BEGAIN: variants seen among roughly 807,000 people sequenced by gnomAD.
BEGAIN encodes brain-enriched guanylate kinase-associated protein.
Under a neutral mutation model 35.8 loss-of-function variants are expected in BEGAIN, and 19 were observed. The observed-to-expected ratio is 0.53, with a 90% CI of 0.37 to 0.78. The LOEUF (loss-of-function observed/expected upper bound fraction) is 0.78, where lower values mean the gene tolerates loss of function less well. Ranked by LOEUF, BEGAIN falls within the 30% of genes least tolerant of loss-of-function variation. The pLI is 0.00. For synonymous variants in BEGAIN, 462 were observed against 388.6 expected, an observed-to-expected ratio of 1.19 and a Z score of -2.22; for missense variants, 795 against 853.6, an observed-to-expected ratio of 0.93 and a Z score of 0.85.
intron 2 of BEGAIN, among the ~76,000 whole-genome samples, chr14:100,564,363 C>T (rs557801103): frequency 1.7e-4 from 26 of 151,892 alleles, no homozygotes; most frequent in Non-Finnish European, 3.1e-4. Context: ...CCATGAGAGG[C>T]GACTGACCCA....
chr14:100,576,485 G>A (rs1311412940), intron 1 of BEGAIN, among the ~76,000 whole-genome samples: 1 of 152,166 alleles, frequency 6.6e-6, no homozygotes, highest in Non-Finnish European at 1.5e-5. Context: ...GTGCTCACCC[G>A]GAATTCATCC....
chr14:100,570,722 C>T (rs188381922), intron 1 of BEGAIN, among the ~76,000 whole-genome samples: 9 of 152,354 alleles, frequency 5.9e-5, no homozygotes, highest in Admixed American at 3.3e-4. Context: ...CGAGGTGCTA[C>T]GCCCTCGGGG....
intron 2 of BEGAIN, 148 bp from the exon 3 acceptor site, chr14:100,546,810 A>ACT (rs1566965089): frequency 9.9e-5 from 56 of 568,412 alleles, no homozygotes; most frequent in African/African-American, 6.9e-4. Flanking sequence ...ACACACACAC[A>ACT]CACTCACACA....
intron 2 of BEGAIN, 102 bp from the exon 3 acceptor site, chr14:100,546,764 G>A (rs2032529093): frequency 8.6e-6 from 4 of 464,710 alleles, no homozygotes; most frequent in Middle Eastern, 6.1e-4. Flanking sequence ...GCGAGTACCG[G>A]CGCGCGCGCG....
Position 100,564,915 on chromosome 14 carries a change from C to T in BEGAIN, c.71+2996G>A, listed in dbSNP as rs115451099. The stretch of plus-strand genomic sequence containing the variant: ...CATCTGCTCTGGGCAGCCCCCAGGC[C>T]TTTGCACCTCTTGGAGGGTGGCCTG... On this transcript the variant is annotated intron_variant, in intron 2 of 6. Transcript: ENST00000554140. Among the ~76,000 whole-genome samples, 947 of 152,312 alleles carry T rather than the reference C, an allele frequency of 6.2e-3. 11 individuals are homozygous for T. Among genetic ancestry groups the T allele is most frequent in the African/African-American group, 0.022 (918 of 41,560 alleles).
chr14:100,577,406 C>T, intron 1 of BEGAIN: 5 of 399,324 alleles, frequency 1.3e-5, no homozygotes, highest in Non-Finnish European at 8.8e-6. Context: ...CCTGGCCCCA[C>T]TCTGCTTGCA....
At chr14:100,561,559 G>C (rs1257182667) in intron 2 of BEGAIN, among the ~76,000 whole-genome samples, 2 of 152,070 alleles carry the variant, frequency 1.3e-5, no homozygotes, top group Non-Finnish European at 2.9e-5. Flanking sequence ...GACCAGCCTG[G>C]GCGACATGGT....
intron 2 of BEGAIN, among the ~76,000 whole-genome samples, chr14:100,561,733 G>A (rs982382615): frequency 2.0e-5 from 3 of 151,320 alleles, no homozygotes; most frequent in African/African-American, 7.3e-5. Flanking sequence ...AAAAAAATTT[G>A]CTGAAGGCCA....
At chr14:100,562,811 C>T (rs925182810) in intron 2 of BEGAIN, among the ~76,000 whole-genome samples, 1 of 152,184 alleles carries the variant, frequency 6.6e-6, no homozygotes, top group Non-Finnish European at 1.5e-5. Context: ...TTTTTGTCCC[C>T]GCAGCACTTG....
chr14:100,540,689 G>A, intron 5 of BEGAIN, 110 bp from the exon 6 acceptor site: 1 of 758,420 alleles, frequency 1.3e-6, no homozygotes, highest in Non-Finnish European at 2.2e-6. Context: ...GGCCTGCTGT[G>A]CGCTCAGCAG....
intron 1 of BEGAIN, chr14:100,577,937 T>C: frequency 2.5e-6 from 1 of 399,188 alleles, no homozygotes; most frequent in Admixed American, 4.4e-5. Flanking sequence ...GCCTGGGAGC[T>C]GGCCCCTGAG....
At chr14:100,580,996 C>T (rs1399672573) in intron 1 of BEGAIN, among the ~76,000 whole-genome samples, 1 of 152,166 alleles carries the variant, frequency 6.6e-6, no homozygotes, top group Non-Finnish European at 1.5e-5. Flanking sequence ...CCCGGACAGC[C>T]CTTCCCCAGC....
At position 100,567,873 on chromosome 14, in the gene BEGAIN, G is replaced by GC; in HGVS notation, c.71+37dup. On this transcript the variant is annotated intron_variant, in intron 2 of 6. Coordinates refer to ENST00000554140, the MANE Select transcript of BEGAIN (RefSeq NM_001385089.1). This position sits in a 1 kb window ranked among gnomAD's most constrained non-coding sequence, Gnocchi z 5.1. ...CCCCAGCGCCCTCACCCCCGACCCG[G>GC]CCCCCGCGAGCCGCGGCACGGGAGA... The GC allele has an allele frequency of 6.8e-7, 1 of 1,460,180 alleles. No individual in the cohort carries two copies. The highest frequency in any genetic ancestry group is 9.1e-7 in the Non-Finnish European group (1 of 1,096,700). The allele number at this position is 1,460,180 out of a possible 1,614,324, so 90.5% of individuals were successfully genotyped here.
chr14:100,541,845 G>A (rs547690068), intron 5 of BEGAIN, among the ~76,000 whole-genome samples: 51 of 152,348 alleles, frequency 3.3e-4, no homozygotes, highest in African/African-American at 1.2e-3. Context: ...GCAGCTGCTG[G>A]CTCGGGGAGG....
chr14:100,553,331 G>A (rs2033387709), intron 2 of BEGAIN, among the ~76,000 whole-genome samples: 2 of 152,138 alleles, frequency 1.3e-5, no homozygotes, highest in Admixed American at 1.3e-4. Context: ...AAAGCCTGTG[G>A]CCACCTGTGG....
At chr14:100,559,646 G>C (rs2034063439) in intron 2 of BEGAIN, among the ~76,000 whole-genome samples, 1 of 152,232 alleles carries the variant, frequency 6.6e-6, no homozygotes, top group South Asian at 2.1e-4. Context: ...TGGATCAGCA[G>C]GAGGCCTGTT....
intron 2 of BEGAIN, among the ~76,000 whole-genome samples, chr14:100,551,497 G>T (rs1345182914): frequency 6.6e-6 from 1 of 152,194 alleles, no homozygotes; most frequent in Non-Finnish European, 1.5e-5. Context: ...CTCAGAAAAA[G>T]AGCCGTATAA....
intron 1 of BEGAIN, among the ~76,000 whole-genome samples, chr14:100,572,749 C>G (rs185098774): frequency 6.6e-6 from 1 of 152,112 alleles, no homozygotes; most frequent in East Asian, 1.9e-4. Context: ...AGCAACAAGG[C>G]GGCTGTGTGT....
At chr14:100,541,259 C>T (rs958374703) in intron 5 of BEGAIN, among the ~76,000 whole-genome samples, 4 of 152,250 alleles carry the variant, frequency 2.6e-5, no homozygotes, top group Non-Finnish European at 4.4e-5. Context: ...CTTGCATTCC[C>T]GCCCCTCCGG....
Sources: gnomAD v4.1 joint callset for allele counts (sites outside exome capture counted in the v4.1 genomes callset) on GRCh38, gnomAD v4.1.1 for gene constraint, Gnocchi (gnomAD v3.1) non-coding constraint, MANE v1.5 for transcripts, NCBI Gene and HGNC (gene_info 2026-07-23, HGNC 2026-07-21) for gene names.